The following HERC4 variants were observed in gnomAD, a reference collection of about 807,000 sequenced individuals.
The protein encoded by HERC4 is probable E3 ubiquitin-protein ligase HERC4.
A neutral mutation model predicts 124.3 loss-of-function variants in HERC4; 28 were observed. The observed-to-expected ratio is 0.23, with a 90% CI of 0.17 to 0.31. The LOEUF is 0.31. Ranked by LOEUF, HERC4 falls within the 10% of genes least tolerant of loss-of-function variation. HERC4 has a pLI of 1.00. For synonymous variants in HERC4, 407 were observed against 421.5 expected, an observed-to-expected ratio of 0.97 and a Z score of 0.42; for missense variants, 713 against 1,229.3, an observed-to-expected ratio of 0.58 and a Z score of 6.28.
chr10:68,045,096 G>A (rs1196862667), intron 3 of HERC4, among the ~76,000 whole-genome samples: 3 of 152,182 alleles, frequency 2.0e-5, no homozygotes, highest in South Asian at 2.1e-4. Flanking sequence ...CAAGGAGGGC[G>A]GATCGCTTTA....
chr10:67,963,987 T>C (rs2132416725), intron 16 of HERC4, among the ~76,000 whole-genome samples: 1 of 114,950 alleles, frequency 8.7e-6, no homozygotes, highest in Admixed American at 8.8e-5. Flanking sequence ...TGAGAAGCTT[T>C]ACCTAGGTCA....
In HERC4 at chr10:68,075,213, A is replaced by C. The variant is rs1037718192; in HGVS notation, c.-178T>G. On this transcript the variant is annotated 5_prime_UTR_variant, in exon 1 of 25. Coordinates refer to ENST00000373700, the MANE Select transcript of HERC4 (RefSeq NM_015601.4). ...AGACAGCCGTCAGCGACCCGGATGG[A>C]GCGGGCGGGGAAGAACGGGAGGCAA... 6.5e-6 allele frequency: 1 copy of C among 152,778 alleles called. No homozygotes were observed. The highest frequency in any genetic ancestry group is 2.4e-5 in the African/African-American group (1 of 41,300). 9.5% of individuals were successfully genotyped at this position (152,778 alleles called of 1,614,324 possible).
chr10:68,063,539 A>G (rs1229635601), intron 3 of HERC4, among the ~76,000 whole-genome samples: 1 of 152,194 alleles, frequency 6.6e-6, no homozygotes, highest in African/African-American at 2.4e-5. Context: ...TTCATTTACA[A>G]ATATCTTATG....
At position 67,925,167 on chromosome 10, in the gene HERC4, T is replaced by C; in HGVS notation, c.2859A>G (p.Glu953=). The change falls in exon 24 of 25, where the codon GAA becomes GAG. Residue 953 remains glutamate, a synonymous_variant. Transcript: ENST00000373700. ...ELEKNTEYKG[E]YWAEHPTIKI... ...TTATCGTAGGATGTTCTGCCCAATATTCCCCTTTGTATTCTGTATTCTAAA... is the reference window on the plus strand; with the variant it reads ...TTATCGTAGGATGTTCTGCCCAATACTCCCCTTTGTATTCTGTATTCTAAA... 6.3e-7 allele frequency: 1 copy of C among 1,590,242 alleles called. No homozygotes were observed. Among genetic ancestry groups the C allele is most frequent in the Non-Finnish European group, 8.6e-7 (1 of 1,158,610 alleles).
intron 15 of HERC4, among the ~76,000 whole-genome samples, chr10:67,981,869 G>C (rs946789796): frequency 6.6e-6 from 1 of 152,034 alleles, no homozygotes; most frequent in Non-Finnish European, 1.5e-5. Context: ...TGAATCGGGG[G>C]GGTGGAGGTT....
chr10:68,048,395 A>G (rs2040123155), intron 3 of HERC4, among the ~76,000 whole-genome samples: 1 of 152,202 alleles, frequency 6.6e-6, no homozygotes, highest in Non-Finnish European at 1.5e-5. Context: ...ACTTAATAGT[A>G]AAAAAGCCAA....
chr10:68,032,856 A>T lies in HERC4; in HGVS notation c.699T>A (p.Pro233=), dbSNP rs138028356. ...GLNDENDRYV[P]NLLKSLRSQK... is the part of the protein sequence containing the mutation. ...GAGATCTTAGTGACTTTAGTAAATT[A>T]GGAACATACCTATCTGAAAATTCCA... is the stretch of plus-strand genomic sequence containing the variant. Residue 233 remains proline, a synonymous_variant, in exon 7 of 25, where the codon CCT becomes CCA. Coordinates refer to ENST00000373700, the MANE Select transcript of HERC4 (RefSeq NM_015601.4). 11,484 of 1,513,668 alleles carry T rather than the reference A, an allele frequency of 7.6e-3. 71 individuals are homozygous for T. Among genetic ancestry groups the T allele is most frequent in the Middle Eastern group, 0.023 (136 of 5,874 alleles). The allele number at this position is 1,513,668 out of a possible 1,614,324, so 93.8% of individuals were successfully genotyped here.
At position 67,959,086 on chromosome 10, in the gene HERC4, A is replaced by G. The variant is rs1274138732; in HGVS notation, c.1927-2110T>C. The G allele has an allele frequency of 5.0e-6, 8 of 1,590,046 alleles. No individual in the cohort carries two copies. The African/African-American group carries it at 5.4e-5, about 11-fold the overall frequency. Reference sequence around the variant, plus strand: ...GAAAATGGAGTATATTTTACTCTAAACATGAGCTTTATTACACCAAACTTA... The same window carrying G: ...GAAAATGGAGTATATTTTACTCTAAGCATGAGCTTTATTACACCAAACTTA... On this transcript the variant is annotated intron_variant, in intron 16 of 24. Transcript: ENST00000373700.
At chr10:67,946,768 A>G (rs939947698) in intron 19 of HERC4, among the ~76,000 whole-genome samples, 8 of 152,010 alleles carry the variant, frequency 5.3e-5, no homozygotes, top group Non-Finnish European at 1.0e-4. Flanking sequence ...TTAACTGGGC[A>G]TGGTGGCACA....
chr10:68,010,303 C>G, intron 9 of HERC4: 1 of 962,540 alleles, frequency 1.0e-6, no homozygotes, highest in Non-Finnish European at 1.6e-6. Flanking sequence ...CTCCCATAGC[C>G]TGGGGTACCA....
rs2031179344 is a variant in HERC4 at position 67,927,411 on chromosome 10, TATATATATATA to T, written c.2839-2235_2839-2225del. Among the ~76,000 whole-genome samples, 36 of 13,468 alleles carry T rather than the reference TATATATATATA, an allele frequency of 2.7e-3. 3 individuals carry two copies. The highest frequency in any genetic ancestry group is 0.015 in the East Asian group (13 of 884). 8.8% of individuals were successfully genotyped at this position (13,468 alleles called of 152,430 possible). ...ATATATATATATATATATATATATA[TATATATATATA>T]TATATATATTTTTTTTTTTTTTTAG... is the stretch of plus-strand genomic sequence containing the variant. On this transcript the variant is annotated intron_variant, in intron 23 of 24. Coordinates refer to ENST00000373700, the MANE Select transcript of HERC4 (RefSeq NM_015601.4).
intron 15 of HERC4, among the ~76,000 whole-genome samples, chr10:67,979,417 G>GA (rs1348909184): frequency 1.3e-5 from 2 of 151,306 alleles, no homozygotes; most frequent in African/African-American, 4.9e-5. Context: ...GGAGACAAAA[G>GA]AAAAAAGAAT....
chr10:68,050,043 AAAAC>A (rs1186723351), intron 3 of HERC4, among the ~76,000 whole-genome samples: 1 of 152,116 alleles, frequency 6.6e-6, no homozygotes, highest in East Asian at 1.9e-4. Flanking sequence ...CTCCACTAAA[AAAAC>A]AAAACATTAG....
intron 4 of HERC4, among the ~76,000 whole-genome samples, chr10:68,041,610 A>G (rs988609882): frequency 2.0e-5 from 3 of 152,296 alleles, no homozygotes; most frequent in South Asian, 2.1e-4. Context: ...TTTTTAATGT[A>G]TATGTCCAAG....
intron 4 of HERC4, among the ~76,000 whole-genome samples, chr10:68,039,099 G>A (rs1439494198): frequency 6.6e-6 from 1 of 150,482 alleles, no homozygotes; most frequent in African/African-American, 2.5e-5. Context: ...GGTCAGTCAG[G>A]AGTTTGAGAC....
chr10:68,044,579 A>G lies in HERC4; in HGVS notation c.227-16T>C. On this transcript the variant is annotated splice_polypyrimidine_tract_variant and intron_variant, in intron 3 of 24. Transcript: ENST00000373700. ...ACAACCTGCTCTACAGAAATCAAGA[A>G]GAGAAATATTGCATTCTAGTACAGA... 6.2e-7 allele frequency: 1 copy of G among 1,609,700 alleles called. No individual in the cohort carries two copies. The highest frequency in any genetic ancestry group is 8.5e-7 in the Non-Finnish European group (1 of 1,178,200).
At chr10:68,038,953 T>G (rs2039618129) in intron 4 of HERC4, among the ~76,000 whole-genome samples, 2 of 152,088 alleles carry the variant, frequency 1.3e-5, no homozygotes, top group African/African-American at 4.8e-5. Context: ...ATTGGTTCTT[T>G]CCCTTTGCCT....
chr10:67,977,167 A>G (rs2035643394), intron 15 of HERC4, among the ~76,000 whole-genome samples: 1 of 152,132 alleles, frequency 6.6e-6, no homozygotes, highest in South Asian at 2.1e-4. Flanking sequence ...TTGCGGAGAG[A>G]AGACTGGAGG....
chr10:67,992,762 CATA>C (rs2036618542), intron 9 of HERC4, 80 bp from the exon 10 acceptor site: 2 of 706,450 alleles, frequency 2.8e-6, no homozygotes, highest in African/African-American at 3.6e-5. Context: ...TAGATTTTCA[CATA>C]ATCATCTTAT....
Sources: allele counts gnomAD v4.1 joint callset (sites outside exome capture counted in the v4.1 genomes callset), GRCh38; gene constraint gnomAD v4.1.1; transcripts MANE v1.5; gene names NCBI Gene and HGNC (gene_info 2026-07-23, HGNC 2026-07-21).